The following CAMKMT variants were observed in gnomAD, a reference collection of about 807,000 sequenced individuals.
CAMKMT encodes calmodulin-lysine N-methyltransferase, also known as CaM KMT.
A neutral mutation model predicts 48.0 loss-of-function variants in CAMKMT; 53 were observed. That is an observed-to-expected ratio of 1.10 (90% CI 0.89 to 1.39). The LOEUF is 1.39. Among genes scored for constraint, CAMKMT ranks in the 40% most tolerant of loss-of-function variants. The probability of loss-of-function intolerance (pLI) is 0.00; values close to 1 mark genes in which losing one functional copy is unlikely to be tolerated. For synonymous variants in CAMKMT, 165 were observed against 152.3 expected, an observed-to-expected ratio of 1.08 and a Z score of -0.61; for missense variants, 428 against 402.7, an observed-to-expected ratio of 1.06 and a Z score of -0.54.
intron 3 of CAMKMT, among the ~76,000 whole-genome samples, chr2:44,632,018 C>G (rs1672861587): frequency 6.6e-6 from 1 of 152,078 alleles, no homozygotes; most frequent in African/African-American, 2.4e-5. Flanking sequence ...GTACATTTTA[C>G]TTCTACAGAT....
At chr2:44,581,336 G>A (rs6729586) in intron 3 of CAMKMT, among the ~76,000 whole-genome samples, 74,975 of 151,888 alleles carry the variant, frequency 0.49, 19,480 homozygotes, top group Non-Finnish European at 0.59. Flanking sequence ...CACTGAAGCC[G>A]ACATTAAGCT....
At chr2:44,473,697 A>T (rs966618462) in intron 3 of CAMKMT, among the ~76,000 whole-genome samples, 1 of 152,154 alleles carries the variant, frequency 6.6e-6, no homozygotes, top group Non-Finnish European at 1.5e-5. Context: ...TTACAGTTTA[A>T]TGTGGAATAA....
intron 10 of CAMKMT, among the ~76,000 whole-genome samples, chr2:44,768,441 C>T (rs1680951855): frequency 6.6e-6 from 1 of 151,162 alleles, no homozygotes; most frequent in South Asian, 2.1e-4. Flanking sequence ...CCTCTGGTCC[C>T]TCCTGTACCT....
At chr2:44,644,894 T>G (rs1204244572) in intron 3 of CAMKMT, among the ~76,000 whole-genome samples, 1 of 152,204 alleles carries the variant, frequency 6.6e-6, no homozygotes, top group Non-Finnish European at 1.5e-5. Flanking sequence ...TGTGGTATTC[T>G]TCTGAAATAT....
At chr2:44,423,327 G>A (rs1314494378) in intron 3 of CAMKMT, among the ~76,000 whole-genome samples, 2 of 152,006 alleles carry the variant, frequency 1.3e-5, no homozygotes, top group African/African-American at 4.8e-5. Flanking sequence ...TTACAGTCAT[G>A]CACCACCACT....
At chr2:44,545,861 G>C (rs752868865) in intron 3 of CAMKMT, among the ~76,000 whole-genome samples, 4 of 151,916 alleles carry the variant, frequency 2.6e-5, no homozygotes, top group African/African-American at 4.8e-5. Context: ...TATAATTTAA[G>C]TATCTTCAAA....
intron 3 of CAMKMT, among the ~76,000 whole-genome samples, chr2:44,451,928 C>A (rs1343367843): frequency 2.0e-5 from 3 of 151,488 alleles, no homozygotes; most frequent in Admixed American, 2.0e-4. Context: ...GAAAAAAAAC[C>A]TAGATATTTT....
rs953538961 is a variant in CAMKMT at position 44,520,285 on chromosome 2, G to A, written c.376+129980G>A. 2.6e-5 allele frequency among the ~76,000 whole-genome samples: 4 copies of A among 152,110 alleles called. No individual in the cohort carries two copies. The South Asian group carries it at 8.3e-4, about 32-fold the overall frequency. On this transcript the variant is annotated intron_variant, in intron 3 of 10. Coordinates refer to ENST00000378494, the MANE Select transcript of CAMKMT (RefSeq NM_024766.5). ...GGTCTCGCTATGTTGCCCAGACTAT[G>A]TTGCCCAGTTCTAGACTAGTCTAGA...
At chr2:44,499,242 G>C (rs978919101) in intron 3 of CAMKMT, among the ~76,000 whole-genome samples, 2 of 152,188 alleles carry the variant, frequency 1.3e-5, no homozygotes, top group South Asian at 4.1e-4. Flanking sequence ...AGAAGCGTCT[G>C]CAGCCATTTA....
At chr2:44,567,436 A>G (rs371429285) in intron 3 of CAMKMT, among the ~76,000 whole-genome samples, 1 of 152,210 alleles carries the variant, frequency 6.6e-6, no homozygotes, top group East Asian at 1.9e-4. Context: ...CAACTGGGAT[A>G]GAAAAATTAT....
chr2:44,606,635 ATT>A (rs997193411), intron 3 of CAMKMT, among the ~76,000 whole-genome samples: 9 of 152,278 alleles, frequency 5.9e-5, no homozygotes, highest in Admixed American at 2.0e-4. Flanking sequence ...GATAATAGAT[ATT>A]TTTTGTTGTT....
chr2:44,563,249 T>C (rs924263141), intron 3 of CAMKMT, among the ~76,000 whole-genome samples: 1 of 151,716 alleles, frequency 6.6e-6, no homozygotes, highest in Admixed American at 6.6e-5. Flanking sequence ...TTTTTGTTTC[T>C]TTCTTAAAAA....
chr2:44,469,863 A>G (rs1668325230), intron 3 of CAMKMT, among the ~76,000 whole-genome samples: 1 of 149,858 alleles, frequency 6.7e-6, no homozygotes, highest in African/African-American at 2.5e-5. Context: ...TTTTGTTTTC[A>G]TTTTTGAAAA....
chr2:44,616,573 T>G (rs905383026), intron 3 of CAMKMT, among the ~76,000 whole-genome samples: 26 of 152,190 alleles, frequency 1.7e-4, no homozygotes, highest in African/African-American at 5.3e-4. Flanking sequence ...GATCATTTCT[T>G]GATCACAAGC....
intron 3 of CAMKMT, among the ~76,000 whole-genome samples, chr2:44,402,304 G>GTT (rs1682445366): frequency 2.0e-5 from 1 of 50,884 alleles, no homozygotes; most frequent in Non-Finnish European, 8.6e-5. Context: ...ACCCCAGCTT[G>GTT]GGTGACACAG....
At chr2:44,463,316 G>A (rs1667942264) in intron 3 of CAMKMT, among the ~76,000 whole-genome samples, 1 of 152,192 alleles carries the variant, frequency 6.6e-6, no homozygotes, top group Non-Finnish European at 1.5e-5. Context: ...GAAGCCAGTT[G>A]TGAATTCACA....
chr2:44,562,414 C>T (rs77583331), intron 3 of CAMKMT, among the ~76,000 whole-genome samples: 10,401 of 152,066 alleles, frequency 0.068, 393 homozygotes, highest in South Asian at 0.098. Context: ...CATTATATGC[C>T]GAATATAAGT....
At chr2:44,436,706 G>A (rs767248773) in intron 3 of CAMKMT, among the ~76,000 whole-genome samples, 3 of 151,964 alleles carry the variant, frequency 2.0e-5, no homozygotes, top group African/African-American at 4.8e-5. Context: ...GTGTCAGTAA[G>A]CCCTATAGGT....
rs538451117 is a variant in CAMKMT at position 44,711,881 on chromosome 2, A to C, written c.557-3406A>C. On this transcript the variant is annotated intron_variant, in intron 6 of 10. Transcript: ENST00000378494. ...TTTATCCCAGGACACGCAGCCCCCA[A>C]ATATTAGAACCAGCACTAGAAGCCA... is the stretch of plus-strand genomic sequence containing the variant. Among the ~76,000 whole-genome samples, 3 of 152,272 alleles carry C rather than the reference A, an allele frequency of 2.0e-5. No homozygotes were observed. The South Asian group carries it at 6.2e-4, about 32-fold the overall frequency.
Sources: gnomAD v4.1 joint callset for allele counts (sites outside exome capture counted in the v4.1 genomes callset) on GRCh38, gnomAD v4.1.1 for gene constraint, MANE v1.5 for transcripts, NCBI Gene and HGNC (gene_info 2026-07-23, HGNC 2026-07-21) for gene names.